TRAF2: variants seen among roughly 807,000 people sequenced by gnomAD.
TRAF2 encodes the protein TNF receptor-associated factor 2.
Under a neutral mutation model 55.6 loss-of-function variants are expected in TRAF2, and 6 were observed. The observed-to-expected ratio is 0.11, with a 90% CI of 0.06 to 0.21. The LOEUF is 0.21. TRAF2 is among the 10% of genes least tolerant of loss of function. The pLI is 1.00. For synonymous variants in TRAF2, 329 were observed against 276.3 expected (o/e 1.19, Z -1.89); for missense variants, 561 against 684.5 (o/e 0.82, Z 2.01).
intron 4 of TRAF2, among the ~76,000 whole-genome samples, chr9:136,903,373 C>T (rs948160312): frequency 2.0e-5 from 3 of 152,050 alleles, no homozygotes; most frequent in Non-Finnish European, 4.4e-5. Context: ...TGCGGGGGTG[C>T]GGGGAGACTT....
intron 1 of TRAF2, among the ~76,000 whole-genome samples, chr9:136,888,452 A>G (rs1235831668): frequency 2.0e-5 from 3 of 152,184 alleles, no homozygotes; most frequent in Non-Finnish European, 4.4e-5. Flanking sequence ...GGTGCCACCC[A>G]GTGAACTCTT....
At chr9:136,899,743 G>A in intron 3 of TRAF2, 71 bp downstream of exon 3, 2 of 1,477,524 alleles carry the variant, frequency 1.4e-6, no homozygotes, top group South Asian at 1.1e-5. Context: ...ACATGGGTGG[G>A]GCTGGGCACA....
intron 1 of TRAF2, 106 bp from the exon 2 acceptor site, chr9:136,898,607 G>A: frequency 6.7e-7 from 1 of 1,502,060 alleles, no homozygotes; most frequent in African/African-American, 1.4e-5. Context: ...CAGGTCAGTG[G>A]GGACCCGGCC....
intron 7 of TRAF2, among the ~76,000 whole-genome samples, chr9:136,917,059 A>T (rs1036384839): frequency 6.6e-6 from 1 of 152,068 alleles, no homozygotes; most frequent in Non-Finnish European, 1.5e-5. Context: ...CTCTCGCCTC[A>T]TGCTTCACGT....
intron 2 of TRAF2, among the ~76,000 whole-genome samples, 182 bp downstream of exon 2, chr9:136,899,110 C>T (rs1398698581): frequency 6.6e-6 from 1 of 152,210 alleles, no homozygotes; most frequent in Non-Finnish European, 1.5e-5. Flanking sequence ...TTTAAAATAG[C>T]AATTTGAAAT....
At position 136,925,715 on chromosome 9, in the gene TRAF2, G is replaced by A; in HGVS notation, c.1320G>A (p.Arg440=). 6.2e-7 allele frequency: 1 copy of A among 1,614,190 alleles called. No individual in the cohort carries two copies. Among genetic ancestry groups the A allele is most frequent in the Non-Finnish European group, 8.5e-7 (1 of 1,180,046 alleles). ...TAATGCTGCTCGACCAGAATAACCGGGAGCACGTGATTGACGCCTTCAGGC... is the reference window on the plus strand; with the variant it reads ...TAATGCTGCTCGACCAGAATAACCGAGAGCACGTGATTGACGCCTTCAGGC... ...VTLMLLDQNN[R]EHVIDAFRPD... Residue 440 remains arginine (R), a synonymous_variant, in exon 11 of 11, where the codon CGG becomes CGA. Coordinates refer to ENST00000247668, the MANE Select transcript of TRAF2 (RefSeq NM_021138.4).
chr9:136,907,002 C>T (rs990266750), intron 4 of TRAF2, among the ~76,000 whole-genome samples: 1 of 152,264 alleles, frequency 6.6e-6, no homozygotes, highest in Non-Finnish European at 1.5e-5. Flanking sequence ...TGACCCCTCA[C>T]ATTCGGGCAG....
intron 9 of TRAF2, chr9:136,922,563 G>A (rs778940708): frequency 4.0e-4 from 63 of 156,060 alleles, no homozygotes; most frequent in Admixed American, 7.9e-4. Flanking sequence ...TGTGCGGCAC[G>A]CGTGCAGGCT....
chr9:136,895,516 T>A (rs1849661587), intron 1 of TRAF2, among the ~76,000 whole-genome samples: 2 of 152,214 alleles, frequency 1.3e-5, no homozygotes, highest in Admixed American at 1.3e-4. Context: ...GGTCAGCATC[T>A]ACTGTCCTTC....
chr9:136,883,024 T>C (rs1190951831), upstream of TRAF2, among the ~76,000 whole-genome samples: 1 of 151,874 alleles, frequency 6.6e-6, no homozygotes, highest in Admixed American at 6.6e-5. Flanking sequence ...GCACCTGCCA[T>C]CATGTTCAGT....
chr9:136,903,966 G>A (rs975682504), intron 4 of TRAF2, among the ~76,000 whole-genome samples: 1 of 152,072 alleles, frequency 6.6e-6, no homozygotes, highest in Non-Finnish European at 1.5e-5. Context: ...ACAGGCGTGA[G>A]CCACCGCGCC....
intron 5 of TRAF2, among the ~76,000 whole-genome samples, chr9:136,909,356 T>C (rs1850042813): frequency 1.3e-5 from 2 of 151,820 alleles, no homozygotes; most frequent in Non-Finnish European, 2.9e-5. Context: ...TTCCTGCCTT[T>C]GGTGGAAATG....
At chr9:136,909,657 G>A (rs1013714000) in intron 5 of TRAF2, among the ~76,000 whole-genome samples, 3 of 152,202 alleles carry the variant, frequency 2.0e-5, no homozygotes, top group Non-Finnish European at 4.4e-5. Context: ...GTTGTTTCAC[G>A]TGGCTTCCAA....
chr9:136,912,152 C>CTTT lies in TRAF2; in HGVS notation c.603+2183_603+2185dup, dbSNP rs1180324647. 3.4e-3 allele frequency among the ~76,000 whole-genome samples: 196 copies of CTTT among 58,328 alleles called. 17 individuals are homozygous for CTTT. Among genetic ancestry groups the CTTT allele is most frequent in the Middle Eastern group, 0.036 (2 of 56 alleles). 38.3% of individuals were successfully genotyped at this position (58,328 alleles called of 152,430 possible). ...CAGGCGTGAGCCACTGCGTCTGGCC[C>CTTT]TTTTTTTTTTTTTTTTTTTTTTTTT... On this transcript the variant is annotated intron_variant, in intron 6 of 10. Coordinates refer to ENST00000247668, the MANE Select transcript of TRAF2 (RefSeq NM_021138.4).
At chr9:136,908,848 C>T (rs1362384329) in intron 5 of TRAF2, among the ~76,000 whole-genome samples, 1 of 134,910 alleles carries the variant, frequency 7.4e-6, no homozygotes. Flanking sequence ...CCAGCCCAGG[C>T]GACAGAGCGA....
At chr9:136,885,529 G>A (rs1849428582), upstream of TRAF2, among the ~76,000 whole-genome samples, 2 of 152,190 alleles carry the variant, frequency 1.3e-5, no homozygotes, top group Admixed American at 6.5e-5. Context: ...AGTGTCTGGA[G>A]GCCATAGGTT....
In TRAF2 at chr9:136,925,652, T is replaced by C. The variant is rs546428803; in HGVS notation, c.1288-31T>C. On this transcript the variant is annotated intron_variant, in intron 10 of 10. Coordinates refer to ENST00000247668, the MANE Select transcript of TRAF2 (RefSeq NM_021138.4). ...GCCAGAGAGAGACGGCCCACAGACC[T>C]GTGTCCCCTCCCTGGGGCTCTCTCC... is the stretch of plus-strand genomic sequence containing the variant. 5.8e-5 allele frequency: 94 copies of C among 1,608,776 alleles called. No homozygotes were observed. In the Middle Eastern group the frequency reaches 8.3e-4, roughly 14 times the overall value.
chr9:136,897,468 T>C (rs1353820406), intron 1 of TRAF2, among the ~76,000 whole-genome samples: 2 of 151,802 alleles, frequency 1.3e-5, no homozygotes, highest in Admixed American at 6.6e-5. Flanking sequence ...CCGTGGTAGC[T>C]AAAGGGAATG....
intron 4 of TRAF2, among the ~76,000 whole-genome samples, chr9:136,903,464 A>G (rs1849868829): frequency 6.6e-6 from 1 of 152,120 alleles, no homozygotes; most frequent in African/African-American, 2.4e-5. Flanking sequence ...TGGACATTCT[A>G]GTGACATTCA....
Sources: gnomAD v4.1 joint callset for allele counts (sites outside exome capture counted in the v4.1 genomes callset) on GRCh38, gnomAD v4.1.1 for gene constraint, MANE v1.5 for transcripts, NCBI Gene and HGNC (gene_info 2026-07-23, HGNC 2026-07-21) for gene names.